DTNB: variants seen among roughly 807,000 people sequenced by gnomAD.
DTNB encodes the protein DTN-B.
In DTNB, 63 loss-of-function variants were observed where a neutral mutation model predicts 90.7. That is an observed-to-expected ratio of 0.69 (90% CI 0.57 to 0.86). The LOEUF (loss-of-function observed/expected upper bound fraction) is 0.86. DTNB is among the 40% of genes least tolerant of loss of function. The probability of loss-of-function intolerance (pLI) is 0.00; values close to 1 mark genes in which losing one functional copy is unlikely to be tolerated. For missense variants in DTNB, 744 were observed against 807.1 expected, an observed-to-expected ratio of 0.92 and a Z score of 0.95; for synonymous variants, 277 against 286.7, an observed-to-expected ratio of 0.97 and a Z score of 0.34.
chr2:25,430,271 A>G (rs2053414053), intron 14 of DTNB, among the ~76,000 whole-genome samples: 1 of 152,136 alleles, frequency 6.6e-6, no homozygotes, highest in South Asian at 2.1e-4. Flanking sequence ...CCAAAACCAG[A>G]TTATAAGTTT....
intron 4 of DTNB, 129 bp from the exon 5 acceptor site, chr2:25,607,450 G>A: frequency 2.3e-6 from 2 of 860,408 alleles, no homozygotes; most frequent in East Asian, 2.9e-5. Context: ...ACCACATTTA[G>A]AAACCCTGGA....
At chr2:25,607,609 A>G (rs1193024577) in intron 4 of DTNB, among the ~76,000 whole-genome samples, 4 of 152,194 alleles carry the variant, frequency 2.6e-5, no homozygotes, top group African/African-American at 7.2e-5. Flanking sequence ...ACCTGAAGTG[A>G]ATTTCCTATT....
At chr2:25,467,596 C>T (rs897415740) in intron 10 of DTNB, among the ~76,000 whole-genome samples, 5 of 152,068 alleles carry the variant, frequency 3.3e-5, no homozygotes, top group African/African-American at 4.8e-5. Flanking sequence ...GAGCCACTAG[C>T]GCCCAGCCTT....
chr2:25,415,202 T>C (rs1448028907), intron 16 of DTNB, among the ~76,000 whole-genome samples: 1 of 151,612 alleles, frequency 6.6e-6, no homozygotes, highest in Admixed American at 6.6e-5. Context: ...ATATAACCAA[T>C]ATATATTTGG....
chr2:25,583,105 G>C (rs1214404301), intron 6 of DTNB, among the ~76,000 whole-genome samples: 1 of 151,868 alleles, frequency 6.6e-6, no homozygotes, highest in African/African-American at 2.4e-5. Flanking sequence ...AAATGATCTG[G>C]GTGTGGTGGC....
At chr2:25,443,157 T>C (rs776155128) in intron 12 of DTNB, among the ~76,000 whole-genome samples, 3 of 151,936 alleles carry the variant, frequency 2.0e-5, no homozygotes, top group South Asian at 2.1e-4. Context: ...GCCAGAGCAA[T>C]GAAAGGCAAA....
chr2:25,517,317 G>C (rs539858693), intron 9 of DTNB, among the ~76,000 whole-genome samples: 4 of 152,172 alleles, frequency 2.6e-5, no homozygotes, highest in Admixed American at 1.3e-4. Context: ...GGATAGGAGG[G>C]AACTTTTTGG....
At chr2:25,589,917 T>G in intron 6 of DTNB, among the ~76,000 whole-genome samples, 1 of 152,178 alleles carries the variant, frequency 6.6e-6, no homozygotes, top group East Asian at 1.9e-4. Flanking sequence ...GCGAGCCATG[T>G]GCAGAGCAGT....
At position 25,669,140 on chromosome 2, in the gene DTNB, T is replaced by C. The variant is rs533991898; in HGVS notation, c.-2+4246A>G. 5.3e-5 allele frequency among the ~76,000 whole-genome samples: 8 copies of C among 152,240 alleles called. No individual in the cohort carries two copies. In the South Asian group the frequency reaches 1.2e-3, roughly 24 times the overall value. ...TGAGGGAAGAATGGGGAGCTGGTGTTTAAGGGGTACAGAGTTTCAGTTGGG... is the reference window on the plus strand; with the variant it reads ...TGAGGGAAGAATGGGGAGCTGGTGTCTAAGGGGTACAGAGTTTCAGTTGGG... On this transcript the variant is annotated intron_variant, in intron 1 of 20. Transcript: ENST00000406818.
At chr2:25,451,484 T>C (rs918299026) in intron 12 of DTNB, 64 bp downstream of exon 12, 7 of 1,516,348 alleles carry the variant, frequency 4.6e-6, no homozygotes, top group African/African-American at 1.4e-5. Flanking sequence ...ACTATTCCCT[T>C]TCCATTTGCA....
At chr2:25,471,100 C>T (rs1271949438) in intron 10 of DTNB, among the ~76,000 whole-genome samples, 1 of 152,124 alleles carries the variant, frequency 6.6e-6, no homozygotes, top group African/African-American at 2.4e-5. Flanking sequence ...TGTGTGCCTT[C>T]GCTGTATTAC....
intron 12 of DTNB, among the ~76,000 whole-genome samples, chr2:25,439,394 T>C (rs1558530959): frequency 6.6e-6 from 1 of 152,004 alleles, no homozygotes; most frequent in Non-Finnish European, 1.5e-5. Flanking sequence ...TCCCAGCTAC[T>C]AGGGGGCTGA....
intron 3 of DTNB, among the ~76,000 whole-genome samples, chr2:25,636,912 T>C (rs1004426143): frequency 2.6e-5 from 4 of 151,644 alleles, no homozygotes; most frequent in Admixed American, 6.6e-5. Context: ...GATAAACTCT[T>C]CGGAGAGAAT....
chr2:25,531,680 A>G (rs1418901582), intron 8 of DTNB, 83 bp from the exon 9 acceptor site: 7 of 1,512,368 alleles, frequency 4.6e-6, no homozygotes, highest in Non-Finnish European at 6.2e-6. Context: ...CTTTGTGACA[A>G]GAGTGTAAAA....
At chr2:25,531,632 C>T in intron 8 of DTNB, 35 bp from the exon 9 acceptor site, 1 of 1,578,482 alleles carries the variant, frequency 6.3e-7, no homozygotes, top group African/African-American at 1.4e-5. Context: ...GGAATTAACC[C>T]TTCAAAAGAA....
chr2:25,627,840 A>G (rs565117099), intron 4 of DTNB, among the ~76,000 whole-genome samples: 3 of 151,206 alleles, frequency 2.0e-5, no homozygotes. Context: ...GGGTTCAAGC[A>G]ATTCTCCTGC....
intron 4 of DTNB, among the ~76,000 whole-genome samples, chr2:25,621,469 G>A (rs1199640666): frequency 3.5e-5 from 5 of 141,882 alleles, no homozygotes; most frequent in African/African-American, 1.0e-4. Flanking sequence ...TTTTTGAGAC[G>A]GAGTTTTGCT....
chr2:25,617,835 G>A (rs954515135), intron 4 of DTNB, among the ~76,000 whole-genome samples: 2 of 152,092 alleles, frequency 1.3e-5, no homozygotes, highest in Non-Finnish European at 2.9e-5. Context: ...CCAAGATCAC[G>A]CCACTGCTCT....
intron 11 of DTNB, among the ~76,000 whole-genome samples, chr2:25,452,167 G>T (rs1326818222): frequency 6.6e-6 from 1 of 152,082 alleles, no homozygotes; most frequent in Non-Finnish European, 1.5e-5. Context: ...CCTTTACTAT[G>T]CTCATTCTAC....
Sources: gnomAD v4.1 joint callset for allele counts (sites outside exome capture counted in the v4.1 genomes callset) on GRCh38, gnomAD v4.1.1 for gene constraint, MANE v1.5 for transcripts, NCBI Gene and HGNC (gene_info 2026-07-23, HGNC 2026-07-21) for gene names.